The following IL2RB variants were observed in gnomAD, a reference collection of about 807,000 sequenced individuals.
The protein encoded by IL2RB is interleukin 2 receptor subunit beta.
A neutral mutation model predicts 44.2 loss-of-function variants in IL2RB; 17 were observed. That is an observed-to-expected ratio of 0.38 (90% CI 0.26 to 0.58). The LOEUF is 0.58. Among genes scored for constraint, IL2RB ranks in the 20% least tolerant of loss-of-function variants. IL2RB has a pLI of 0.63. For missense variants in IL2RB, 624 were observed against 685.5 expected, an observed-to-expected ratio of 0.91 and a Z score of 1.00; for synonymous variants, 286 against 297.9, an observed-to-expected ratio of 0.96 and a Z score of 0.41.
At chr22:37,150,540 G>C (rs1378243720), upstream of IL2RB, among the ~76,000 whole-genome samples, 1 of 152,064 alleles carries the variant, frequency 6.6e-6, no homozygotes, top group African/African-American at 2.4e-5. Flanking sequence ...CAGGGTAAAT[G>C]GGGTATCCAT....
At chr22:37,151,941 C>T (rs554553029), upstream of IL2RB, among the ~76,000 whole-genome samples, 37 of 152,270 alleles carry the variant, frequency 2.4e-4, no homozygotes, top group South Asian at 5.0e-3. Flanking sequence ...TCTGTTTTTA[C>T]GCTAGCGCCA....
intron 1 of IL2RB, among the ~76,000 whole-genome samples, chr22:37,149,161 T>C (rs1238270187): frequency 6.6e-6 from 1 of 152,054 alleles, no homozygotes; most frequent in African/African-American, 2.4e-5. Flanking sequence ...GGAGAGAGCA[T>C]GAGCTCCAGG....
intron 1 of IL2RB, 109 bp downstream of exon 1, chr22:37,149,716 C>T (rs1922396077): frequency 2.4e-6 from 1 of 420,172 alleles, no homozygotes; most frequent in African/African-American, 2.2e-5. Flanking sequence ...GGAGTTCAGG[C>T]AGAAACTGCT....
At chr22:37,147,045 G>A (rs1433520640) in intron 1 of IL2RB, among the ~76,000 whole-genome samples, 3 of 152,220 alleles carry the variant, frequency 2.0e-5, no homozygotes, top group African/African-American at 7.2e-5. Context: ...AGGTCCCGAA[G>A]TGGGAAAGAC....
At chr22:37,137,247 G>T (rs1005440313) in intron 6 of IL2RB, among the ~76,000 whole-genome samples, 3 of 152,234 alleles carry the variant, frequency 2.0e-5, no homozygotes, top group Non-Finnish European at 4.4e-5. Context: ...CAACAGGCCC[G>T]CACGGATGTG....
At chr22:37,143,915 G>A (rs956898049) in intron 2 of IL2RB, among the ~76,000 whole-genome samples, 170 bp downstream of exon 2, 4 of 121,062 alleles carry the variant, frequency 3.3e-5, no homozygotes, top group Admixed American at 8.1e-5. Flanking sequence ...GTGTGTGTGT[G>A]TGTGCGCGCA....
At chr22:37,137,863 C>T (rs1284214481) in intron 5 of IL2RB, 128 bp from the exon 6 acceptor site, 16 of 753,084 alleles carry the variant, frequency 2.1e-5, no homozygotes, top group Middle Eastern at 3.5e-4. Flanking sequence ...CCCCAGGACC[C>T]GCTCCCTCAC....
chr22:37,163,968 G>A (rs758871561), intron 1 of IL2RB, among the ~76,000 whole-genome samples: 56 of 152,360 alleles, frequency 3.7e-4, no homozygotes, highest in African/African-American at 6.0e-4. Context: ...AGCACAGGCC[G>A]AGAGTGCCAT....
Position 37,136,321 on chromosome 22 carries a change from ACTG to A in IL2RB, c.607_609del (p.Gln203del). ...GGCTTGACCCGCACCTGAAACTCAT[ACTG>A]GGTGTCTGGGGTGAGCGTCTCCAGG... On this transcript the variant is annotated inframe_deletion, in exon 7 of 10. Transcript: ENST00000216223. 6.2e-7 allele frequency: 1 copy of A among 1,613,062 alleles called. No homozygotes were observed.
intron 4 of IL2RB, among the ~76,000 whole-genome samples, chr22:37,140,572 A>AGGTGCTCCCTCTT (rs1343675557): frequency 1.3e-5 from 2 of 152,034 alleles, no homozygotes; most frequent in African/African-American, 4.8e-5. Flanking sequence ...CCACCTACAG[A>AGGTGCTCCCTCTT]GCTCCCTGCA....
chr22:37,146,075 G>A (rs1326034512), intron 1 of IL2RB, among the ~76,000 whole-genome samples: 1 of 152,082 alleles, frequency 6.6e-6, no homozygotes, highest in African/African-American at 2.4e-5. Context: ...TTTCAGTTCT[G>A]GGACAACTGT....
chr22:37,159,788 A>C (rs1922797177), intron 1 of IL2RB, among the ~76,000 whole-genome samples: 1 of 152,218 alleles, frequency 6.6e-6, no homozygotes, highest in Admixed American at 6.5e-5. Context: ...AAAGTGCCTG[A>C]CCAGTGACAA....
intron 1 of IL2RB, among the ~76,000 whole-genome samples, chr22:37,166,567 C>T (rs1923086942): frequency 6.6e-6 from 1 of 152,190 alleles, no homozygotes; most frequent in Admixed American, 6.5e-5. Flanking sequence ...CACCTTCTCC[C>T]CCATCTGGAC....
chr22:37,140,816 C>T (rs1921930431), intron 4 of IL2RB, among the ~76,000 whole-genome samples: 1 of 152,192 alleles, frequency 6.6e-6, no homozygotes, highest in Non-Finnish European at 1.5e-5. Flanking sequence ...GGTGAGAAGC[C>T]TGAACTGGGA....
At chr22:37,159,324 C>A (rs1922781697) in intron 1 of IL2RB, among the ~76,000 whole-genome samples, 1 of 151,958 alleles carries the variant, frequency 6.6e-6, no homozygotes, top group Admixed American at 6.6e-5. Context: ...CCGTTGCCTG[C>A]AAAGTCTGCT....
In IL2RB at chr22:37,128,913, G is replaced by T; in HGVS notation, c.904-65C>A. ...CCTTCACCCTCCACCCCTTCCTCTG[G>T]ACTCTCAACAGCTCCTAACTCCTCC... On this transcript the variant is annotated intron_variant, in intron 9 of 9. Coordinates refer to ENST00000216223, the MANE Select transcript of IL2RB (RefSeq NM_000878.5). The surrounding 1 kb of genome is among the most constrained non-coding windows in gnomAD (Gnocchi z 4.5). The T allele has an allele frequency of 6.6e-7, 1 of 1,518,252 alleles. No individual in the cohort carries two copies. The highest frequency in any genetic ancestry group is 1.3e-5 in the South Asian group (1 of 77,236). 94.0% of individuals were successfully genotyped at this position (1,518,252 alleles called of 1,614,324 possible). A position where few individuals can be genotyped will look rare whatever the true frequency, so the allele number is the denominator to read the frequency against.
chr22:37,147,447 G>T (rs922185565), intron 1 of IL2RB, among the ~76,000 whole-genome samples: 1 of 152,198 alleles, frequency 6.6e-6, no homozygotes, highest in Non-Finnish European at 1.5e-5. Context: ...AATAATACTC[G>T]TTCTGTGTAC....
chr22:37,136,084 G>C, intron 7 of IL2RB, 144 bp downstream of exon 7: 1 of 862,892 alleles, frequency 1.2e-6, no homozygotes, highest in Non-Finnish European at 1.7e-6. Flanking sequence ...TGTCTGAAAA[G>C]CGAGCCCCCT....
intron 1 of IL2RB, among the ~76,000 whole-genome samples, chr22:37,165,157 C>T (rs116420062): frequency 0.018 from 2,759 of 152,320 alleles, 98 homozygotes; most frequent in African/African-American, 0.063. Flanking sequence ...CGCCCAGGGC[C>T]GCACACAGGT....
Sources: allele counts gnomAD v4.1 joint callset (sites outside exome capture counted in the v4.1 genomes callset), GRCh38; gene constraint gnomAD v4.1.1; non-coding constraint Gnocchi (gnomAD v3.1); transcripts MANE v1.5; gene names NCBI Gene and HGNC (gene_info 2026-07-23, HGNC 2026-07-21).